The following HSD17B3 variants were observed in gnomAD, a reference collection of about 807,000 sequenced individuals.
HSD17B3 encodes the protein 17-beta-hydroxysteroid dehydrogenase type 3.
In HSD17B3, 29 loss-of-function variants were observed where a neutral mutation model predicts 41.1. The ratio of observed to expected loss-of-function variants is 0.71; its 90% CI spans 0.53 to 0.96. The LOEUF is 0.96. HSD17B3 is among the 40% of genes least tolerant of loss of function. The pLI is 0.00. For missense variants in HSD17B3, 323 were observed against 374.6 expected, an observed-to-expected ratio of 0.86 and a Z score of 1.14; for synonymous variants, 126 against 145.6, an observed-to-expected ratio of 0.87 and a Z score of 0.97.
intron 2 of HSD17B3, among the ~76,000 whole-genome samples, chr9:96,297,839 CAT>C (rs8190509): frequency 1.9e-4 from 29 of 152,268 alleles, no homozygotes; most frequent in Admixed American, 7.2e-4. Context: ...TATAAAACCA[CAT>C]ATGTTATAAA....
At chr9:96,293,748 C>T (rs1024734989) in intron 2 of HSD17B3, among the ~76,000 whole-genome samples, 25 of 152,036 alleles carry the variant, frequency 1.6e-4, no homozygotes, top group African/African-American at 3.9e-4. Flanking sequence ...ATAAAAAAAG[C>T]CGTATATGTG....
intron 2 of HSD17B3, among the ~76,000 whole-genome samples, chr9:96,294,591 G>C (rs1281988092): frequency 6.6e-6 from 1 of 152,252 alleles, no homozygotes; most frequent in Admixed American, 6.5e-5. Context: ...AAAGATTCTG[G>C]AGAATCGTGA....
chr9:96,283,834 AGAAT>A (rs1400203888), intron 2 of HSD17B3, among the ~76,000 whole-genome samples: 1 of 152,096 alleles, frequency 6.6e-6, no homozygotes, highest in East Asian at 1.9e-4. Flanking sequence ...TTGTGACATT[AGAAT>A]AGAGGAAAAA....
intron 2 of HSD17B3, among the ~76,000 whole-genome samples, chr9:96,263,441 G>A (rs937883489): frequency 3.3e-5 from 5 of 152,058 alleles, no homozygotes; most frequent in African/African-American, 1.2e-4. Context: ...ACAAGAGTGG[G>A]GCACGGTGGC....
At chr9:96,263,789 T>G (rs1825949262) in intron 2 of HSD17B3, among the ~76,000 whole-genome samples, 1 of 152,036 alleles carries the variant, frequency 6.6e-6, no homozygotes, top group East Asian at 1.9e-4. Context: ...AGTCATTTTC[T>G]GAGGTGGGGG....
At chr9:96,243,990 G>A (rs1273055354) in intron 9 of HSD17B3, among the ~76,000 whole-genome samples, 1 of 152,212 alleles carries the variant, frequency 6.6e-6, no homozygotes, top group Non-Finnish European at 1.5e-5. Context: ...GGGTCAGAGA[G>A]GAAAAGCCAC....
chr9:96,280,862 G>A (rs1467916279), intron 2 of HSD17B3, among the ~76,000 whole-genome samples: 1 of 152,120 alleles, frequency 6.6e-6, no homozygotes, highest in African/African-American at 2.4e-5. Flanking sequence ...CATCCTCATT[G>A]CTACACTCCC....
At chr9:96,283,159 C>G (rs1007684321) in intron 2 of HSD17B3, among the ~76,000 whole-genome samples, 2 of 151,914 alleles carry the variant, frequency 1.3e-5, no homozygotes, top group African/African-American at 4.8e-5. Flanking sequence ...GCATCCACCA[C>G]CATACCCAGC....
chr9:96,281,748 T>G (rs1227262889), intron 2 of HSD17B3, among the ~76,000 whole-genome samples: 2 of 152,200 alleles, frequency 1.3e-5, no homozygotes, highest in Admixed American at 1.3e-4. Context: ...CTGATGAGAC[T>G]GCAGGAAAAG....
chr9:96,284,089 G>T (rs1273961178), intron 2 of HSD17B3, among the ~76,000 whole-genome samples: 1 of 151,946 alleles, frequency 6.6e-6, no homozygotes, highest in East Asian at 1.9e-4. Context: ...GAGCATGGTG[G>T]CAGGTGCCTG....
At position 96,275,832 on chromosome 9, in the gene HSD17B3, G is replaced by A. The variant is rs183529809; in HGVS notation, c.202-20889C>T. ...AAAGGAAAACAGCAAAAGAGGAAGA[G>A]GGACAAAACAACCACAAAACAGACA... is the stretch of plus-strand genomic sequence containing the variant. On this transcript the variant is annotated intron_variant, in intron 2 of 10. Coordinates refer to ENST00000375263, the MANE Select transcript of HSD17B3 (RefSeq NM_000197.2). 5.3e-3 allele frequency among the ~76,000 whole-genome samples: 805 copies of A among 152,002 alleles called. 7 individuals are homozygous for A. The highest frequency in any genetic ancestry group is 0.018 in the African/African-American group (758 of 41,466).
chr9:96,259,277 T>G (rs887573990), intron 2 of HSD17B3, among the ~76,000 whole-genome samples: 2 of 152,128 alleles, frequency 1.3e-5, no homozygotes, highest in Non-Finnish European at 2.9e-5. Context: ...GCCACCAGGA[T>G]CTTATGTTTA....
intron 2 of HSD17B3, among the ~76,000 whole-genome samples, chr9:96,272,405 C>CTCTCTCTCTCTCTATATATATATA (rs1239816824): frequency 4.6e-5 from 1 of 21,534 alleles, no homozygotes; most frequent in Non-Finnish European, 8.8e-5. Flanking sequence ...CTCTCTCTCT[C>CTCTCTCTCTCTCTATATATATATA]TATATATATA....
At chr9:96,289,409 C>T (rs1345489689) in intron 2 of HSD17B3, among the ~76,000 whole-genome samples, 1 of 152,158 alleles carries the variant, frequency 6.6e-6, no homozygotes, top group African/African-American at 2.4e-5. Flanking sequence ...TATTTCAAGA[C>T]TGACCCCTGC....
At chr9:96,236,634 C>G (rs1030652208) in intron 10 of HSD17B3, among the ~76,000 whole-genome samples, 1 of 152,074 alleles carries the variant, frequency 6.6e-6, no homozygotes. Flanking sequence ...TAAGGAAATA[C>G]GTGAAGCCTG....
At chr9:96,279,802 C>T (rs959724475) in intron 2 of HSD17B3, among the ~76,000 whole-genome samples, 2 of 151,540 alleles carry the variant, frequency 1.3e-5, no homozygotes, top group African/African-American at 4.8e-5. Context: ...TGGAGTCTCG[C>T]TCTGTCACCC....
intron 2 of HSD17B3, among the ~76,000 whole-genome samples, chr9:96,294,037 G>A (rs938067407): frequency 6.6e-6 from 1 of 152,178 alleles, no homozygotes; most frequent in Admixed American, 6.6e-5. Context: ...TTAGCAGGGA[G>A]AGAACAGGAT....
Position 96,244,318 on chromosome 9 carries a change from G to A in HSD17B3, c.672+11C>T, listed in dbSNP as rs754283882. The A allele has an allele frequency of 1.9e-6, 3 of 1,613,682 alleles. No homozygotes were observed. The highest frequency in any genetic ancestry group is 1.7e-5 in the Admixed American group (1 of 60,022). ...GGATGATGACAAGGACTCCACAGCT[G>A]CCCACCTCACCTGGATGATGACTTC... On this transcript the variant is annotated intron_variant, in intron 9 of 10. Transcript: ENST00000375263.
intron 2 of HSD17B3, among the ~76,000 whole-genome samples, chr9:96,263,822 A>C (rs1018022523): frequency 6.6e-6 from 1 of 152,172 alleles, no homozygotes; most frequent in Non-Finnish European, 1.5e-5. Context: ...TATTGCTCAA[A>C]GGATACAAAA....
Sources: allele counts gnomAD v4.1 joint callset (sites outside exome capture counted in the v4.1 genomes callset), GRCh38; gene constraint gnomAD v4.1.1; transcripts MANE v1.5; gene names NCBI Gene and HGNC (gene_info 2026-07-23, HGNC 2026-07-21).